The following GHRL variants were observed in gnomAD, a reference collection of about 807,000 sequenced individuals.
GHRL encodes the protein appetite-regulating hormone.
Under a neutral mutation model 16.9 loss-of-function variants are expected in GHRL, and 24 were observed. The ratio of observed to expected loss-of-function variants is 1.42; its 90% CI spans 1.03 to 2.00. The LOEUF is 2.00. Ranked by LOEUF, GHRL falls within the 30% of genes most tolerant of loss-of-function variation. The pLI, the probability that GHRL is intolerant of heterozygous loss-of-function variation, is 0.00. For missense variants in GHRL, 193 were observed against 142.1 expected (o/e 1.36, Z -1.82); for synonymous variants, 63 against 58.2 (o/e 1.08, Z -0.37).
chr3:10,288,716 A>G (rs1009782490), intron 4 of GHRL, among the ~76,000 whole-genome samples: 1 of 152,186 alleles, frequency 6.6e-6, no homozygotes, highest in Admixed American at 6.5e-5. Flanking sequence ...CCTCGACTGG[A>G]GAAGAGTATG....
rs777207268 is a variant in GHRL, at chr3:10,286,823, G to C, written c.226-11C>G. The C allele has an allele frequency of 2.4e-5, 37 of 1,520,502 alleles. No individual in the cohort carries two copies. The highest frequency in any genetic ancestry group is 3.4e-5 in the Non-Finnish European group (37 of 1,094,762). The allele number at this position is 1,520,502 out of a possible 1,614,324, so 94.2% of individuals were successfully genotyped here. ...AAAGGGGGCGTTGAACTAGGAGGCA[G>C]GGCAGGGAGGACCCAGGAGATGTCA... On this transcript the variant is annotated splice_polypyrimidine_tract_variant and intron_variant, in intron 4 of 5. Transcript: ENST00000335542.
At position 10,286,795 on chromosome 3, in the gene GHRL, A is replaced by G; in HGVS notation, c.243T>C (p.Asp81=). The G allele has an allele frequency of 6.2e-7, 1 of 1,610,696 alleles. No individual in the cohort carries two copies. The highest frequency in any genetic ancestry group is 8.5e-7 in the Non-Finnish European group (1 of 1,176,904). ...ELEVRFNAPF[D]VGIKLSGVQY... ...GAACCCCTGACAGCTTGATTCCAAC[A>G]TCAAAGGGGGCGTTGAACTAGGAGG... The change falls in exon 5 of 6, where the codon GAT becomes GAC. Residue 81 remains aspartate, a synonymous_variant. Coordinates refer to ENST00000335542, the MANE Select transcript of GHRL (RefSeq NM_016362.5).
At position 10,290,750 on chromosome 3, in the gene GHRL, G is replaced by T; in HGVS notation, c.-64C>A. ...CTGGCGGAGGTGGTGCCTGGTGGCT[G>T]TCAGGTCCTTATATAGGATGACTGG... On this transcript the variant is annotated 5_prime_UTR_variant, in exon 2 of 6. Coordinates refer to ENST00000335542, the MANE Select transcript of GHRL (RefSeq NM_016362.5). 2.0e-6 allele frequency: 2 copies of T among 996,734 alleles called. No homozygotes were observed. Among genetic ancestry groups the T allele is most frequent in the Non-Finnish European group, 2.4e-6 (2 of 836,960 alleles). 61.7% of individuals were successfully genotyped at this position (996,734 alleles called of 1,614,324 possible).
intron 4 of GHRL, 53 bp downstream of exon 4, chr3:10,289,709 C>T (rs1699649284): frequency 2.6e-6 from 3 of 1,153,004 alleles, no homozygotes; most frequent in South Asian, 1.2e-5. Flanking sequence ...TCCCTCTCCC[C>T]TGACCCCACC....
At position 10,289,891 on chromosome 3, in the gene GHRL, A is replaced by G. The variant is rs1699701721; in HGVS notation, c.109-13T>C. On this transcript the variant is annotated splice_polypyrimidine_tract_variant and intron_variant, in intron 3 of 5. Transcript: ENST00000335542. ...ACTCCTTTCTCTGCTGGAAGGGGGA[A>G]ACAGTCTGTTTAGGACTCTAAGCCC... The G allele has an allele frequency of 1.3e-6, 2 of 1,595,964 alleles. No individual in the cohort carries two copies. The highest frequency in any genetic ancestry group is 1.7e-6 in the Non-Finnish European group (2 of 1,164,860).
chr3:10,289,927 C>T, intron 3 of GHRL, 49 bp from the exon 4 acceptor site: 1 of 1,517,948 alleles, frequency 6.6e-7, no homozygotes, highest in Non-Finnish European at 9.1e-7. Flanking sequence ...CCATGTCCTT[C>T]CAGAAACAGT....
At position 10,285,934 on chromosome 3, in the gene GHRL, G is replaced by A. The variant is rs180790269; in HGVS notation, c.335-40C>T. The A allele has an allele frequency of 9.9e-5, 157 of 1,588,258 alleles. No individual in the cohort carries two copies. The Admixed American group carries it at 1.0e-3, about 10-fold the overall frequency. ...GTTGAGTAAGAATGCTGGGTGCACCGTCCTGCTAGTGCTTTTCTTCCACGG... is the reference window on the plus strand; with the variant it reads ...GTTGAGTAAGAATGCTGGGTGCACCATCCTGCTAGTGCTTTTCTTCCACGG... On this transcript the variant is annotated intron_variant, in intron 5 of 5. Coordinates refer to ENST00000335542, the MANE Select transcript of GHRL (RefSeq NM_016362.5).
At chr3:10,289,226 T>C (rs1055345225) in intron 4 of GHRL, among the ~76,000 whole-genome samples, 20 of 152,220 alleles carry the variant, frequency 1.3e-4, no homozygotes, top group African/African-American at 4.8e-4. Context: ...AACTTTCTCC[T>C]TGCCCCACGC....
In GHRL at chr3:10,289,832, G is replaced by A. The variant is rs369902875; in HGVS notation, c.155C>T (p.Ala52Val). 3 of 1,613,872 alleles carry A rather than the reference G, an allele frequency of 1.9e-6. No homozygotes were observed. The highest frequency in any genetic ancestry group is 2.5e-6 in the Non-Finnish European group (3 of 1,179,928). ...TTCCGGGCGGAGCCAGCCTGCTAGA[G>A]CTCGGGGCTGCAGCTTGGCTGGTGG... is the stretch of plus-strand genomic sequence containing the variant. The part of the protein sequence containing the change: ...KKPPAKLQPR[A>V]LAGWLRPEDG... Residue 52 changes from alanine to valine, a missense_variant, in exon 4 of 6, where the codon GCT (alanine) becomes GTT (valine). Coordinates refer to ENST00000335542, the MANE Select transcript of GHRL (RefSeq NM_016362.5).
intron 5 of GHRL, 90 bp from the exon 6 acceptor site, chr3:10,285,984 A>G: frequency 8.5e-7 from 1 of 1,174,790 alleles, no homozygotes. Flanking sequence ...GTGGGATGTA[A>G]TGGTGGGGGT....
Position 10,289,785 on chromosome 3 carries a change from C to A in GHRL, c.202G>T (p.Ala68Ser), listed in dbSNP as rs577387219. 30 of 1,609,692 alleles carry A rather than the reference C, an allele frequency of 1.9e-5. No homozygotes were observed. Among genetic ancestry groups the A allele is most frequent in the Non-Finnish European group, 2.4e-5 (28 of 1,176,322 alleles). The change falls in exon 4 of 6, where the codon GCA becomes TCA. Residue 68 changes from alanine (A) to serine (S), a missense_variant. Ala to Ser is a moderately conservative substitution (Grantham distance 99, BLOSUM62 1). Coordinates refer to ENST00000335542, the MANE Select transcript of GHRL (RefSeq NM_016362.5). ...RPEDGGQAEG[A>S]EDELEVRFNA... ...ACCCGGACTTCCAGTTCATCCTCTG[C>A]CCCTTCTGCTTGACCTCCATCTTCC...
At chr3:10,286,839 G>A (rs1436558419) in intron 4 of GHRL, 27 bp from the exon 5 acceptor site, 3 of 1,361,218 alleles carry the variant, frequency 2.2e-6, no homozygotes, top group Non-Finnish European at 3.2e-6. Flanking sequence ...GGAGGACCCA[G>A]GAGATGTCAG....
At chr3:10,286,665 G>A (rs1461540675) in intron 5 of GHRL, 39 bp downstream of exon 5, 1 of 1,104,166 alleles carries the variant, frequency 9.1e-7, no homozygotes, top group South Asian at 1.2e-5. Context: ...ATGTGGGGCT[G>A]CAAGGAAACC....
At chr3:10,291,568 G>A in intron 1 of GHRL, 117 bp from the exon 2 acceptor site, 1 of 621,546 alleles carries the variant, frequency 1.6e-6, no homozygotes, top group Non-Finnish European at 2.0e-6. Flanking sequence ...ATGAGGCGAT[G>A]GGGGGAAAGT....
At chr3:10,291,512 C>G (rs993044956) in intron 1 of GHRL, 61 bp from the exon 2 acceptor site, 12 of 957,704 alleles carry the variant, frequency 1.3e-5, no homozygotes, top group Non-Finnish European at 1.5e-5. Context: ...ACTGGCCTTA[C>G]GCCGACCACA....
intron 4 of GHRL, 137 bp from the exon 5 acceptor site, chr3:10,286,949 G>T: frequency 3.3e-6 from 2 of 597,870 alleles, no homozygotes; most frequent in South Asian, 3.9e-5. Flanking sequence ...AGGGACTGCT[G>T]AGTGACACCT....
Position 10,290,886 on chromosome 3 carries a change from G to A in GHRL, c.-200C>T, listed in dbSNP as rs1034694478. ...CTTGTCCTCTGGGTAGAAGTCAACA[G>A]TGGAGGTCAGATGCCCTGCGGAATT... On this transcript the variant is annotated 5_prime_UTR_variant, in exon 2 of 6. Transcript: ENST00000335542. 4 of 985,592 alleles carry A rather than the reference G, an allele frequency of 4.1e-6. No homozygotes were observed. Among genetic ancestry groups the A allele is most frequent in the South Asian group, 4.7e-5 (1 of 21,288 alleles). 61.1% of individuals were successfully genotyped at this position (985,592 alleles called of 1,614,324 possible).
At position 10,290,054 on chromosome 3, in the gene GHRL, C is replaced by T; in HGVS notation, c.108+19G>A. The T allele has an allele frequency of 1.9e-6, 3 of 1,610,246 alleles. No individual in the cohort carries two copies. Among genetic ancestry groups the T allele is most frequent in the Non-Finnish European group, 8.5e-7 (1 of 1,178,408 alleles). On this transcript the variant is annotated intron_variant, in intron 3 of 5. Transcript: ENST00000335542. ...GGCAGGGCTGGAACAACATGTGGGG[C>T]TTTGTGGGGAGGTCTCACCTGGACT...
At chr3:10,286,678 GC>G in intron 5 of GHRL, 25 bp downstream of exon 5, 1 of 1,296,070 alleles carries the variant, frequency 7.7e-7, no homozygotes, top group Non-Finnish European at 1.1e-6. Flanking sequence ...AGGAAACCGA[GC>G]AAACCCAGTC....
Sources: gnomAD v4.1 joint callset for allele counts (sites outside exome capture counted in the v4.1 genomes callset) on GRCh38, gnomAD v4.1.1 for gene constraint, MANE v1.5 for transcripts, NCBI Gene and HGNC (gene_info 2026-07-23, HGNC 2026-07-21) for gene names.